Variants in RNF170 observed in about 807,000 individuals in gnomAD.
RNF170 encodes the protein ring finger protein 170.
Under a neutral mutation model 32.7 loss-of-function variants are expected in RNF170, and 12 were observed. The observed-to-expected ratio is 0.37, with a 90% CI of 0.24 to 0.60. RNF170 has a LOEUF of 0.60. RNF170 is among the 20% of genes least tolerant of loss of function. The pLI is 0.72. For missense variants in RNF170, 212 were observed against 311.2 expected, an observed-to-expected ratio of 0.68 and a Z score of 2.40; for synonymous variants, 91 against 103.6, an observed-to-expected ratio of 0.88 and a Z score of 0.74.
downstream of RNF170, chr8:42,850,445 C>T: frequency 3.2e-6 from 1 of 317,348 alleles, no homozygotes; most frequent in Non-Finnish European, 6.1e-6. Flanking sequence ...ACCTGGGCGG[C>T]AGCCATGACT....
chr8:42,893,020 T>C (rs1437010102), intron 1 of RNF170, among the ~76,000 whole-genome samples: 1 of 152,160 alleles, frequency 6.6e-6, no homozygotes, highest in Non-Finnish European at 1.5e-5. Flanking sequence ...TTACACATTG[T>C]ACATATTTGT....
chr8:42,890,368 C>G (rs1806198039), intron 1 of RNF170, among the ~76,000 whole-genome samples: 1 of 151,452 alleles, frequency 6.6e-6, no homozygotes, highest in African/African-American at 2.4e-5. Flanking sequence ...AGCTCTGCCT[C>G]CCGGGTTCTC....
At chr8:42,868,869 A>C (rs1220971964) in intron 4 of RNF170, among the ~76,000 whole-genome samples, 2 of 151,806 alleles carry the variant, frequency 1.3e-5, no homozygotes, top group Non-Finnish European at 2.9e-5. Context: ...AAAAAAAAAA[A>C]ATTGGCTCTG....
At chr8:42,858,290 A>C (rs1306088683) in intron 6 of RNF170, among the ~76,000 whole-genome samples, 1 of 152,136 alleles carries the variant, frequency 6.6e-6, no homozygotes, top group African/African-American at 2.4e-5. Flanking sequence ...CATCCATAAC[A>C]GTTGAAATCT....
chr8:42,881,720 A>AG (rs1805422586), intron 2 of RNF170, among the ~76,000 whole-genome samples: 1 of 152,176 alleles, frequency 6.6e-6, no homozygotes, highest in Non-Finnish European at 1.5e-5. Flanking sequence ...AGATCACTTG[A>AG]GCCCTGGAAT....
intron 2 of RNF170, among the ~76,000 whole-genome samples, chr8:42,874,378 T>A (rs1804750227): frequency 6.6e-6 from 1 of 152,208 alleles, no homozygotes; most frequent in Non-Finnish European, 1.5e-5. Context: ...CCACATCTAA[T>A]TAGATCCTTC....
chr8:42,897,083 C>CGGCGGTGTCTGGCCAGGCGGTA, upstream of RNF170: 1 of 1,227,158 alleles, frequency 8.1e-7, no homozygotes, highest in Non-Finnish European at 1.0e-6. Flanking sequence ...GACAGAGCGG[C>CGGCGGTGTCTGGCCAGGCGGTA]GGCGGTGTCT....
chr8:42,851,006 G>A (rs964102000), downstream of RNF170: 16 of 1,550,708 alleles, frequency 1.0e-5, no homozygotes, highest in African/African-American at 5.5e-5. Flanking sequence ...CCCTACACAC[G>A]GTAGTCAGAA....
chr8:42,864,045 CTTTT>C (rs747091463), intron 5 of RNF170, among the ~76,000 whole-genome samples: 1 of 128,140 alleles, frequency 7.8e-6, no homozygotes. Context: ...TGGAGGAATA[CTTTT>C]TTTTTTTTTA....
chr8:42,856,500 TACTATA>T lies in RNF170; in HGVS notation c.508-78_508-73del, dbSNP rs1803253600. On this transcript the variant is annotated intron_variant, in intron 6 of 6. Transcript: ENST00000527424. ...AGATTTCAAAATAATATAATTTTCT[TACTATA>T]TGTAAACATTGTTAAGATGAATTAA... 8.2e-6 allele frequency: 9 copies of T among 1,092,814 alleles called. No individual in the cohort carries two copies. The Admixed American group carries it at 1.6e-4, about 19-fold the overall frequency. The allele number at this position is 1,092,814 out of a possible 1,614,324, so 67.7% of individuals were successfully genotyped here. A position where few individuals can be genotyped will look rare whatever the true frequency, so the allele number is the denominator to read the frequency against.
chr8:42,888,316 G>A (rs1365486883), intron 1 of RNF170, among the ~76,000 whole-genome samples: 2 of 151,750 alleles, frequency 1.3e-5, no homozygotes, highest in African/African-American at 4.8e-5. Flanking sequence ...CACCTGCCTC[G>A]GCCTCCCAAA....
rs904454574 is a variant in RNF170, at chr8:42,869,896, C to T, written c.322+108G>A. On this transcript the variant is annotated intron_variant, in intron 4 of 6. Transcript: ENST00000527424. ...GATATCAGAGGTAATCTACCCTACT[C>T]ACAAAATACAAAATGTGACAAAGAG... The T allele has an allele frequency of 5.1e-6, 4 of 779,010 alleles. No homozygotes were observed. The African/African-American group carries it at 6.8e-5, about 13-fold the overall frequency. 48.3% of individuals were successfully genotyped at this position (779,010 alleles called of 1,614,324 possible).
At chr8:42,896,891 C>G (rs1806979423), upstream of RNF170, 1 of 346,518 alleles carries the variant, frequency 2.9e-6, no homozygotes, top group African/African-American at 2.1e-5. Flanking sequence ...GGCGGGGACG[C>G]GGGGCGGCGG....
rs1056131191 is a variant in RNF170 at position 42,854,084 on chromosome 8, A to C, written c.*2075T>G. The C allele has an allele frequency of 3.1e-6, 4 of 1,287,214 alleles. No individual in the cohort carries two copies. The highest frequency in any genetic ancestry group is 1.2e-5 in the South Asian group (1 of 80,938). The allele number at this position is 1,287,214 out of a possible 1,614,324, so 79.7% of individuals were successfully genotyped here. The stretch of plus-strand genomic sequence containing the variant: ...CAAACTCCTACTCACTCGCTTTTCA[A>C]GTTGGTGACTGCAGCTGAAATGTTT... On this transcript the variant is annotated 3_prime_UTR_variant, in exon 7 of 7. Transcript: ENST00000527424.
At chr8:42,896,748 AGCGGCGGCGGCG>A (rs570533730), upstream of RNF170, 120 of 145,750 alleles carry the variant, frequency 8.2e-4, no homozygotes, top group East Asian at 2.2e-3. Flanking sequence ...GCCCGGCGGC[AGCGGCGGCGGCG>A]GCGGCGGCGG....
At chr8:42,851,207 G>A (rs910194315), downstream of RNF170, among the ~76,000 whole-genome samples, 2 of 152,010 alleles carry the variant, frequency 1.3e-5, no homozygotes, top group African/African-American at 4.8e-5. Flanking sequence ...AGGGTATAGA[G>A]TGATAGGATT....
At chr8:42,866,238 G>C (rs951014948) in intron 4 of RNF170, among the ~76,000 whole-genome samples, 1 of 151,870 alleles carries the variant, frequency 6.6e-6, no homozygotes, top group Non-Finnish European at 1.5e-5. Context: ...TTAACTAATA[G>C]TAATAAGGTA....
chr8:42,866,338 G>A (rs371472698), intron 4 of RNF170, among the ~76,000 whole-genome samples: 5 of 151,970 alleles, frequency 3.3e-5, no homozygotes, highest in African/African-American at 9.7e-5. Context: ...TCAGGAGTTC[G>A]AGACCAGCCT....
intron 2 of RNF170, among the ~76,000 whole-genome samples, chr8:42,886,234 AT>A (rs1259252536): frequency 5.3e-4 from 81 of 151,770 alleles, no homozygotes; most frequent in African/African-American, 1.9e-3. Context: ...AAAAAAAAAA[AT>A]AATAATAATA....
Sources: allele counts gnomAD v4.1 joint callset (sites outside exome capture counted in the v4.1 genomes callset), GRCh38; gene constraint gnomAD v4.1.1; transcripts MANE v1.5; gene names NCBI Gene and HGNC (gene_info 2026-07-23, HGNC 2026-07-21).